Variants in APAF1 observed in about 807,000 individuals in gnomAD.
APAF1 encodes apoptotic peptidase activating factor 1, also known as apoptotic protease-activating factor 1.
A neutral mutation model predicts 152.4 loss-of-function variants in APAF1; 91 were observed. The observed-to-expected ratio is 0.60, with a 90% CI of 0.50 to 0.71. APAF1 has a LOEUF of 0.71. Among genes scored for constraint, APAF1 ranks in the 30% least tolerant of loss-of-function variants. The probability of loss-of-function intolerance (pLI) is 0.00; values close to 1 mark genes in which losing one functional copy is unlikely to be tolerated. For synonymous variants in APAF1, 484 were observed against 494.1 expected, an observed-to-expected ratio of 0.98 and a Z score of 0.27; for missense variants, 1,283 against 1,472.0, an observed-to-expected ratio of 0.87 and a Z score of 2.10.
chr12:98,684,619 A>T (rs2097696059), intron 15 of APAF1, among the ~76,000 whole-genome samples: 2 of 151,898 alleles, frequency 1.3e-5, no homozygotes, highest in African/African-American at 4.8e-5. Context: ...GCAGAGCACA[A>T]TTTGAAAACA....
intron 20 of APAF1, among the ~76,000 whole-genome samples, chr12:98,710,184 T>TG (rs949095151): frequency 6.6e-6 from 1 of 151,162 alleles, no homozygotes; most frequent in African/African-American, 2.4e-5. Context: ...TAAGGGTTTT[T>TG]TTTTTTTTTT....
chr12:98,649,392 C>T, intron 3 of APAF1, 95 bp from the exon 4 acceptor site: 1 of 1,456,754 alleles, frequency 6.9e-7, no homozygotes, highest in Non-Finnish European at 9.5e-7. Flanking sequence ...AATTTTCAGG[C>T]TAAGCCTCAG....
intron 17 of APAF1, among the ~76,000 whole-genome samples, chr12:98,700,573 A>G (rs1442338229): frequency 2.0e-5 from 3 of 152,244 alleles, no homozygotes; most frequent in Non-Finnish European, 4.4e-5. Flanking sequence ...AAACCACTGC[A>G]TAAGCAAGAC....
intron 3 of APAF1, chr12:98,649,114 T>A (rs748418506): frequency 2.6e-4 from 165 of 623,702 alleles, no homozygotes; most frequent in Non-Finnish European, 3.1e-4. Context: ...TTTATAGAGT[T>A]TATAGGAAAA....
At chr12:98,684,933 A>G (rs940859294) in intron 15 of APAF1, among the ~76,000 whole-genome samples, 3 of 152,214 alleles carry the variant, frequency 2.0e-5, no homozygotes, top group Admixed American at 6.5e-5. Context: ...AAGGACTATT[A>G]GGATGCATTT....
intron 17 of APAF1, among the ~76,000 whole-genome samples, chr12:98,702,662 T>G (rs944580935): frequency 5.9e-5 from 9 of 151,292 alleles, no homozygotes; most frequent in Non-Finnish European, 1.3e-4. Context: ...CCGTCTCTAC[T>G]AAAAATAAAA....
intron 21 of APAF1, among the ~76,000 whole-genome samples, chr12:98,714,617 C>T (rs1031487005): frequency 1.3e-5 from 2 of 152,268 alleles, no homozygotes; most frequent in Admixed American, 6.5e-5. Flanking sequence ...TTTGTGAGAT[C>T]GTTCATCCCG....
intron 7 of APAF1, among the ~76,000 whole-genome samples, chr12:98,665,255 C>T (rs1318086117): frequency 2.0e-5 from 2 of 97,872 alleles, no homozygotes; most frequent in African/African-American, 3.8e-5. Context: ...TAGACTGGCG[C>T]ATATATATAT....
At position 98,733,162 on chromosome 12, in the gene APAF1, G is replaced by A. The variant is rs2097764683; in HGVS notation, c.*596G>A. ...TTTTTTTTTTGTTTTTGGAGACAGA[G>A]TCTTGCTTTGTTGCCAGGCTGGAGT... is the stretch of plus-strand genomic sequence containing the variant. On this transcript the variant is annotated 3_prime_UTR_variant, in exon 27 of 27. Coordinates refer to ENST00000551964, the MANE Select transcript of APAF1 (RefSeq NM_181861.2). 1 of 153,382 alleles carries A rather than the reference G, an allele frequency of 6.5e-6. No individual in the cohort carries two copies. Among genetic ancestry groups the A allele is most frequent in the South Asian group, 2.1e-4 (1 of 4,870 alleles). The allele number at this position is 153,382 out of a possible 1,614,324, so 9.5% of individuals were successfully genotyped here.
In APAF1 at chr12:98,703,459, A is replaced by G; in HGVS notation, c.2555A>G (p.Asn852Ser). The part of the protein sequence containing the change: ...TIQYCDFSPQ[N>S]HLAVVALSQY... ...CAGTACTGTGACTTCTCCCCACAAA[A>G]CCATTTGGCAGTGGTTGCTTTGTCC... The change falls in exon 18 of 27, where the codon AAC becomes AGC. Residue 852 changes from asparagine (N) to serine (S), a missense_variant. Transcript: ENST00000551964. 6.2e-7 allele frequency: 1 copy of G among 1,614,122 alleles called. No homozygotes were observed. Among genetic ancestry groups the G allele is most frequent in the South Asian group, 1.1e-5 (1 of 91,076 alleles).
Position 98,659,201 on chromosome 12 carries a change from C to CA in APAF1, c.570dup (p.Asp191ArgfsTer20). 1 of 1,614,190 alleles carries CA rather than the reference C, an allele frequency of 6.2e-7. No individual in the cohort carries two copies. The highest frequency in any genetic ancestry group is 8.5e-7 in the Non-Finnish European group (1 of 1,180,030). On this transcript the variant is annotated frameshift_variant, in exon 5 of 27. Coordinates refer to ENST00000551964, the MANE Select transcript of APAF1 (RefSeq NM_181861.2). LOFTEE classifies it high-confidence loss of function. ...AGTGCATTGGGTTTCAGTTGGGAAA[C>CA]AAGACAAATCTGGGCTTCTGATGAA...
intron 22 of APAF1, among the ~76,000 whole-genome samples, chr12:98,720,102 A>C (rs2153342358): frequency 6.6e-6 from 1 of 152,318 alleles, no homozygotes; most frequent in East Asian, 1.9e-4. Flanking sequence ...TAAAAACTAC[A>C]TCTGATGAAG....
intron 22 of APAF1, among the ~76,000 whole-genome samples, chr12:98,716,732 C>A (rs777307024): frequency 1.3e-5 from 2 of 152,110 alleles, no homozygotes; most frequent in Non-Finnish European, 2.9e-5. Flanking sequence ...TGAATTATTT[C>A]TTTGATTCTT....
chr12:98,725,922 C>CT (rs1181384354), intron 25 of APAF1, among the ~76,000 whole-genome samples: 2 of 152,100 alleles, frequency 1.3e-5, no homozygotes, highest in Non-Finnish European at 2.9e-5. Flanking sequence ...GCAAATTCTG[C>CT]TTTTTCTGTG....
In APAF1 at chr12:98,671,674, A is replaced by G; in HGVS notation, c.1748A>G (p.Gln583Arg). The G allele has an allele frequency of 6.2e-7, 1 of 1,614,140 alleles. No individual in the cohort carries two copies. The highest frequency in any genetic ancestry group is 8.5e-7 in the Non-Finnish European group (1 of 1,180,028). Residue 583 changes from glutamine (Q) to arginine (R), a missense_variant, in exon 12 of 27, where the codon CAG becomes CGG. By Grantham distance (43) the Gln-to-Arg change is conservative. Coordinates refer to ENST00000551964, the MANE Select transcript of APAF1 (RefSeq NM_181861.2). The stretch of plus-strand genomic sequence containing the variant: ...GAAGTTTATCAGCAAGCTAAGCTGC[A>G]GGCCAAGCAGGAGGTCGATAATGGA... ...TSEVYQQAKLQAKQEVDNGML... is the reference protein window; with the variant it reads ...TSEVYQQAKLRAKQEVDNGML...
chr12:98,674,587 ATACTAG>A (rs1385910854), intron 12 of APAF1, among the ~76,000 whole-genome samples: 2 of 152,198 alleles, frequency 1.3e-5, no homozygotes, highest in Non-Finnish European at 2.9e-5. Context: ...GTTTTCTCTC[ATACTAG>A]TCCATGTGTT....
chr12:98,661,900 A>G (rs2097665861), intron 5 of APAF1, among the ~76,000 whole-genome samples: 1 of 152,104 alleles, frequency 6.6e-6, no homozygotes, highest in South Asian at 2.1e-4. Context: ...ACAACTGGGA[A>G]CTGGCATAGA....
At chr12:98,668,607 C>T (rs2097676351) in intron 10 of APAF1, among the ~76,000 whole-genome samples, 2 of 151,856 alleles carry the variant, frequency 1.3e-5, no homozygotes, top group South Asian at 4.2e-4. Context: ...GTAGAATCAT[C>T]ATGATTTGCT....
chr12:98,685,111 T>C (rs2840025), intron 15 of APAF1, among the ~76,000 whole-genome samples: 18,536 of 152,236 alleles, frequency 0.12, 1,192 homozygotes, highest in East Asian at 0.25. Context: ...TAATCATTTC[T>C]AAATAATTTT....
Sources: allele counts gnomAD v4.1 joint callset (sites outside exome capture counted in the v4.1 genomes callset), GRCh38; gene constraint gnomAD v4.1.1; transcripts MANE v1.5; gene names NCBI Gene and HGNC (gene_info 2026-07-23, HGNC 2026-07-21).